ZNF787: variants seen among roughly 807,000 people sequenced by gnomAD.
The protein encoded by ZNF787 is TTF-I-interacting peptide 20.
Under a neutral mutation model 16.9 loss-of-function variants are expected in ZNF787, and 7 were observed. The observed-to-expected ratio is 0.42, with a 90% CI of 0.24 to 0.78. The LOEUF (loss-of-function observed/expected upper bound fraction) is 0.78. ZNF787 is among the 30% of genes least tolerant of loss of function. The pLI is 0.30. For synonymous variants in ZNF787, 345 were observed against 270.9 expected (o/e 1.27, Z -2.69); for missense variants, 551 against 589.3 (o/e 0.94, Z 0.67).
At chr19:56,097,868 T>C (rs938817317) in intron 2 of ZNF787, among the ~76,000 whole-genome samples, 16 of 152,210 alleles carry the variant, frequency 1.1e-4, no homozygotes, top group African/African-American at 3.9e-4. Context: ...GCAACCCTAC[T>C]GGAGTGACCT....
At chr19:56,100,602 G>A (rs1335914668) in intron 2 of ZNF787, among the ~76,000 whole-genome samples, 1 of 152,140 alleles carries the variant, frequency 6.6e-6, no homozygotes, top group African/African-American at 2.4e-5. Flanking sequence ...TAGGCTAGAG[G>A]AAAAGGGACC....
intron 1 of ZNF787, among the ~76,000 whole-genome samples, chr19:56,109,043 G>A (rs967416780): frequency 2.0e-5 from 3 of 152,126 alleles, no homozygotes; most frequent in Admixed American, 6.5e-5. Flanking sequence ...CCTCCTCCAC[G>A]GGAGCAAGGG....
intron 2 of ZNF787, among the ~76,000 whole-genome samples, chr19:56,095,066 A>T (rs1477656470): frequency 6.6e-6 from 1 of 152,208 alleles, no homozygotes; most frequent in Non-Finnish European, 1.5e-5. Flanking sequence ...GTGAGCCAAT[A>T]TCGCACCATC....
chr19:56,092,525 CTTTT>C (rs5828673), intron 2 of ZNF787, among the ~76,000 whole-genome samples: 1 of 143,036 alleles, frequency 7.0e-6, no homozygotes, highest in South Asian at 2.2e-4. Flanking sequence ...TCTGGAAATG[CTTTT>C]TTTTTTTTTT....
chr19:56,099,477 G>A (rs796949658), intron 2 of ZNF787, among the ~76,000 whole-genome samples: 1 of 152,156 alleles, frequency 6.6e-6, no homozygotes, highest in African/African-American at 2.4e-5. Context: ...CTGGGAGGCC[G>A]AGGCGGGCAG....
At chr19:56,105,811 C>A (rs1986280483) in intron 1 of ZNF787, among the ~76,000 whole-genome samples, 1 of 152,178 alleles carries the variant, frequency 6.6e-6, no homozygotes, top group African/African-American at 2.4e-5. Context: ...TTCAGTTTTG[C>A]GACCCTCACC....
intron 2 of ZNF787, among the ~76,000 whole-genome samples, chr19:56,097,206 C>T (rs1985905815): frequency 6.6e-6 from 1 of 152,258 alleles, no homozygotes; most frequent in South Asian, 2.1e-4. Flanking sequence ...CCTAAGGGGG[C>T]TGCACTGACT....
chr19:56,098,639 C>T (rs1184636378), intron 2 of ZNF787, among the ~76,000 whole-genome samples: 14 of 105,688 alleles, frequency 1.3e-4, no homozygotes, highest in East Asian at 1.2e-3. Context: ...CAGGGTGATA[C>T]AGCCGCAGGG....
At chr19:56,111,891 C>T (rs141509189) in intron 1 of ZNF787, among the ~76,000 whole-genome samples, 286 of 152,268 alleles carry the variant, frequency 1.9e-3, no homozygotes, top group African/African-American at 6.7e-3. Flanking sequence ...AAAGCAGGGA[C>T]GGGAAGGGCA....
intron 1 of ZNF787, 188 bp from the exon 2 acceptor site, chr19:56,103,415 G>T: frequency 2.1e-6 from 1 of 474,680 alleles, no homozygotes; most frequent in South Asian, 4.6e-5. Context: ...CCACTGCAGG[G>T]GCCAGCCAAG....
chr19:56,106,085 G>A (rs955687174), intron 1 of ZNF787, among the ~76,000 whole-genome samples: 4 of 138,730 alleles, frequency 2.9e-5, no homozygotes, highest in Admixed American at 2.1e-4. Context: ...GGCAGTCACC[G>A]CGCATTCCCC....
intron 2 of ZNF787, among the ~76,000 whole-genome samples, chr19:56,092,833 A>G (rs1050939031): frequency 1.3e-5 from 2 of 151,362 alleles, no homozygotes; most frequent in Non-Finnish European, 3.0e-5. Context: ...TGGAATATCC[A>G]TAGACACAAG....
At chr19:56,105,157 A>G (rs1432936156) in intron 1 of ZNF787, among the ~76,000 whole-genome samples, 6 of 148,520 alleles carry the variant, frequency 4.0e-5, no homozygotes, top group African/African-American at 1.2e-4. Flanking sequence ...TAAATAAATA[A>G]TAAAAAAATA....
chr19:56,118,513 T>C (rs945333482), intron 1 of ZNF787, among the ~76,000 whole-genome samples: 1 of 152,196 alleles, frequency 6.6e-6, no homozygotes, highest in African/African-American at 2.4e-5. Flanking sequence ...GTTCTGAAGC[T>C]GCTGGGGGCC....
intron 1 of ZNF787, among the ~76,000 whole-genome samples, chr19:56,107,407 C>T (rs896851334): frequency 6.6e-6 from 1 of 152,144 alleles, no homozygotes; most frequent in African/African-American, 2.4e-5. Context: ...TGAGCACCTG[C>T]GAGGACCAGC....
At chr19:56,098,257 C>T (rs73615721) in intron 2 of ZNF787, among the ~76,000 whole-genome samples, 2,448 of 152,330 alleles carry the variant, frequency 0.016, 66 homozygotes, top group African/African-American at 0.056. Flanking sequence ...CTTTCCTCTT[C>T]ACAAGAAGGT....
At chr19:56,094,473 C>CTT (rs57458324) in intron 2 of ZNF787, among the ~76,000 whole-genome samples, 234 of 146,156 alleles carry the variant, frequency 1.6e-3, no homozygotes, top group African/African-American at 4.1e-3. Flanking sequence ...CACGCCCCGC[C>CTT]TTTTTTTTTT....
Position 56,087,907 on chromosome 19 carries a change from G to GA in ZNF787, c.*115dup. The GA allele has an allele frequency of 7.9e-7, 1 of 1,273,718 alleles. No homozygotes were observed. Among genetic ancestry groups the GA allele is most frequent in the Non-Finnish European group, 9.9e-7 (1 of 1,009,912 alleles). The allele number at this position is 1,273,718 out of a possible 1,614,324, so 78.9% of individuals were successfully genotyped here. On this transcript the variant is annotated 3_prime_UTR_variant, in exon 3 of 3. Transcript: ENST00000610935. ...GGACAGAGGAGGGCGGGGAGCCGGG[G>GA]ATGCCGCGGGGTCCATCGCACCCCG...
chr19:56,115,549 G>A (rs568093797), intron 1 of ZNF787, among the ~76,000 whole-genome samples: 23 of 152,004 alleles, frequency 1.5e-4, no homozygotes, highest in Admixed American at 4.6e-4. Flanking sequence ...CAGTAGAGAC[G>A]GGGATTCACC....
Sources: allele counts gnomAD v4.1 joint callset (sites outside exome capture counted in the v4.1 genomes callset), GRCh38; gene constraint gnomAD v4.1.1; transcripts MANE v1.5; gene names NCBI Gene and HGNC (gene_info 2026-07-23, HGNC 2026-07-21).